Variants in MTFR1 observed in about 807,000 individuals in gnomAD.
The protein encoded by MTFR1 is mitochondrial fission regulator 1, also known as chondrocyte protein with a poly-proline region.
MTFR1 carries 28 observed loss-of-function variants against 38.8 expected under a neutral mutation model. The observed-to-expected ratio is 0.72, with a 90% CI of 0.53 to 0.99. The LOEUF (loss-of-function observed/expected upper bound fraction) is 0.99, where lower values mean the gene tolerates loss of function less well. MTFR1 is among the 50% of genes least tolerant of loss of function. The pLI is 0.00. For synonymous variants in MTFR1, 145 were observed against 137.0 expected (o/e 1.06, Z -0.41); for missense variants, 358 against 395.5 (o/e 0.91, Z 0.81).
chr8:65,708,119 G>A, intron 7 of MTFR1, 108 bp downstream of exon 7: 1 of 1,600,424 alleles, frequency 6.2e-7, no homozygotes. Flanking sequence ...GTTCCAAAGG[G>A]AGGTGATACA....
intron 3 of MTFR1, chr8:65,734,785 A>G: frequency 1.3e-6 from 2 of 1,482,510 alleles, no homozygotes; most frequent in Non-Finnish European, 1.9e-6. Context: ...ATCAATGTCA[A>G]CCTCTTACCT....
At chr8:65,711,178 G>GCAT (rs1310457707), downstream of MTFR1, among the ~76,000 whole-genome samples, 1 of 152,114 alleles carries the variant, frequency 6.6e-6, no homozygotes, top group Non-Finnish European at 1.5e-5. Flanking sequence ...CCTGTAAAAG[G>GCAT]CATCATCCTA....
intron 3 of MTFR1, among the ~76,000 whole-genome samples, chr8:65,737,485 T>C (rs1807190567): frequency 6.6e-6 from 1 of 152,142 alleles, no homozygotes; most frequent in Admixed American, 6.5e-5. Flanking sequence ...AGTTGCAGAT[T>C]AGCAAAAATG....
chr8:65,703,441 T>G (rs1374971566), intron 4 of MTFR1, among the ~76,000 whole-genome samples: 3 of 133,454 alleles, frequency 2.2e-5, no homozygotes, highest in African/African-American at 8.6e-5. Context: ...TTTTTTTTTT[T>G]TTTTTTTTTT....
chr8:65,734,141 T>C (rs1255022220), intron 3 of MTFR1, among the ~76,000 whole-genome samples: 1 of 152,196 alleles, frequency 6.6e-6, no homozygotes, highest in Non-Finnish European at 1.5e-5. Context: ...GCTCACTGTC[T>C]CTACAAGCCT....
At chr8:65,673,236 G>A (rs1285593692) in intron 2 of MTFR1, among the ~76,000 whole-genome samples, 1 of 152,170 alleles carries the variant, frequency 6.6e-6, no homozygotes, top group Non-Finnish European at 1.5e-5. Flanking sequence ...GTCTGAGATT[G>A]CGGAATAGCT....
At chr8:65,761,436 G>T (rs1808489351) in intron 3 of MTFR1, among the ~76,000 whole-genome samples, 1 of 152,166 alleles carries the variant, frequency 6.6e-6, no homozygotes, top group Non-Finnish European at 1.5e-5. Context: ...ATGCACAACA[G>T]ATTAAACTTG....
intron 3 of MTFR1, among the ~76,000 whole-genome samples, chr8:65,687,754 A>G (rs1395063837): frequency 1.3e-5 from 2 of 152,188 alleles, no homozygotes; most frequent in African/African-American, 4.8e-5. Flanking sequence ...TTACACAGGT[A>G]TATCACCTGG....
At chr8:65,688,569 C>T (rs1180781053) in intron 3 of MTFR1, among the ~76,000 whole-genome samples, 4 of 150,300 alleles carry the variant, frequency 2.7e-5, no homozygotes, top group African/African-American at 9.8e-5. Context: ...CTGCCTCAGC[C>T]TCCTGAGTAG....
chr8:65,754,522 G>A (rs943052788), intron 3 of MTFR1, among the ~76,000 whole-genome samples: 4 of 151,554 alleles, frequency 2.6e-5, no homozygotes, highest in Middle Eastern at 6.8e-3. Flanking sequence ...ATTTTTAGTA[G>A]AGATGGGGTT....
chr8:65,653,454 G>A (rs993796249), intron 1 of MTFR1, among the ~76,000 whole-genome samples: 3 of 152,148 alleles, frequency 2.0e-5, no homozygotes, highest in African/African-American at 7.2e-5. Flanking sequence ...GGAGGTTGCA[G>A]TTAGCTGTTA....
chr8:65,742,870 C>T (rs571043213), intron 3 of MTFR1, among the ~76,000 whole-genome samples: 22 of 152,290 alleles, frequency 1.4e-4, no homozygotes, highest in Non-Finnish European at 2.5e-4. Context: ...TAAGGGGAAA[C>T]TAGTTAGCCA....
intron 3 of MTFR1, chr8:65,727,139 T>C (rs762633543): frequency 7.6e-7 from 1 of 1,321,588 alleles, no homozygotes; most frequent in Non-Finnish European, 1.1e-6. Context: ...AATGCAAAAA[T>C]AATAAATCTT....
chr8:65,719,283 C>A lies in MTFR1; in HGVS notation c.382-97C>A. 2.5e-6 allele frequency: 4 copies of A among 1,607,128 alleles called. No individual in the cohort carries two copies. In the South Asian group the frequency reaches 4.4e-5, roughly 18 times the overall value. ...CAGGAGGCAGTTTGTCCCACTGGTT[C>A]TGGGGGTTATGATAACCGATTTTCC... is the stretch of plus-strand genomic sequence containing the variant. On this transcript the variant is annotated intron_variant, in intron 2 of 3. Transcript: ENST00000521247.
intron 4 of MTFR1, among the ~76,000 whole-genome samples, chr8:65,697,165 A>G (rs1805471334): frequency 6.6e-6 from 1 of 151,196 alleles, no homozygotes; most frequent in African/African-American, 2.4e-5. Context: ...TTGTATTTTT[A>G]GTAGAGACGG....
intron 3 of MTFR1, among the ~76,000 whole-genome samples, chr8:65,735,099 G>C (rs1214197727): frequency 6.6e-6 from 1 of 152,100 alleles, no homozygotes; most frequent in Non-Finnish European, 1.5e-5. Context: ...TGCTATCATG[G>C]ACGAACAGAC....
chr8:65,713,006 T>C (rs1038033790), downstream of MTFR1, among the ~76,000 whole-genome samples: 1 of 152,210 alleles, frequency 6.6e-6, no homozygotes, highest in Non-Finnish European at 1.5e-5. Context: ...TAAATAAATG[T>C]ACAGCTTAAA....
At chr8:65,727,514 C>T in intron 3 of MTFR1, 2 of 493,906 alleles carry the variant, frequency 4.0e-6, no homozygotes, top group Non-Finnish European at 6.9e-6. Flanking sequence ...CAACAGTGGC[C>T]CTGCCCATGT....
intron 3 of MTFR1, among the ~76,000 whole-genome samples, chr8:65,687,460 C>T (rs1805122618): frequency 6.6e-6 from 1 of 151,620 alleles, no homozygotes; most frequent in South Asian, 2.1e-4. Flanking sequence ...ATTCTCCTGC[C>T]TCAGCCTTCC....
Sources: allele counts gnomAD v4.1 joint callset (sites outside exome capture counted in the v4.1 genomes callset), GRCh38; gene constraint gnomAD v4.1.1; transcripts MANE v1.5; gene names NCBI Gene and HGNC (gene_info 2026-07-23, HGNC 2026-07-21).